NTM: variants seen among roughly 807,000 people sequenced by gnomAD.
The protein encoded by NTM is IgLON family member 2.
In NTM, 13 loss-of-function variants were observed where a neutral mutation model predicts 42.1. The ratio of observed to expected loss-of-function variants is 0.31; its 90% CI spans 0.20 to 0.49. The LOEUF is 0.49. NTM is among the 20% of genes least tolerant of loss of function. The pLI, the probability that NTM is intolerant of heterozygous loss-of-function variation, is 0.99. For missense variants in NTM, 373 were observed against 452.8 expected (o/e 0.82, Z 1.60); for synonymous variants, 187 against 179.2 (o/e 1.04, Z -0.35).
intron 3 of NTM, among the ~76,000 whole-genome samples, chr11:132,190,518 G>C (rs879689146): frequency 3.9e-5 from 6 of 151,910 alleles, no homozygotes; most frequent in Non-Finnish European, 7.4e-5. Context: ...CAGGTGGATT[G>C]TGAGGTCAGG....
intron 1 of NTM, chr11:131,794,424 T>G (rs1461954100): frequency 1.1e-6 from 1 of 945,200 alleles, no homozygotes; most frequent in African/African-American, 1.8e-5. Flanking sequence ...CTCCGTAGTT[T>G]CTGTGTAAGC....
chr11:131,583,842 T>A (rs535441882), intron 1 of NTM, among the ~76,000 whole-genome samples: 1 of 152,216 alleles, frequency 6.6e-6, no homozygotes, highest in African/African-American at 2.4e-5. Flanking sequence ...TGGATTTGTA[T>A]GAAACCCATA....
At chr11:132,285,817 C>A (rs1329232676) in intron 4 of NTM, among the ~76,000 whole-genome samples, 1 of 152,162 alleles carries the variant, frequency 6.6e-6, no homozygotes, top group African/African-American at 2.4e-5. Flanking sequence ...CCTCTCCTAG[C>A]CTTGACAGAT....
intron 2 of NTM, among the ~76,000 whole-genome samples, chr11:131,994,637 A>G (rs1658464558): frequency 6.6e-6 from 1 of 152,276 alleles, no homozygotes; most frequent in Non-Finnish European, 1.5e-5. Flanking sequence ...TTTCATCATA[A>G]GCACACTAGC....
intron 1 of NTM, among the ~76,000 whole-genome samples, chr11:131,853,656 G>A (rs2045814330): frequency 1.3e-5 from 2 of 152,146 alleles, no homozygotes; most frequent in African/African-American, 4.8e-5. Flanking sequence ...ATGGATATTA[G>A]GTTGGTTCCA....
intron 1 of NTM, among the ~76,000 whole-genome samples, chr11:131,903,522 C>T (rs1429250001): frequency 6.6e-6 from 1 of 152,198 alleles, no homozygotes; most frequent in Non-Finnish European, 1.5e-5. Context: ...TGCCTCAGAT[C>T]CAGGGCAGCT....
chr11:132,300,790 C>T (rs2002734), intron 4 of NTM, among the ~76,000 whole-genome samples: 27,645 of 152,136 alleles, frequency 0.18, 2,975 homozygotes, highest in Middle Eastern at 0.27. Context: ...TCAGAACTGG[C>T]TCTGGTATTT....
intron 4 of NTM, among the ~76,000 whole-genome samples, chr11:132,264,679 T>C (rs894877020): frequency 3.3e-5 from 5 of 151,898 alleles, no homozygotes; most frequent in African/African-American, 1.2e-4. Context: ...ATAAGAAGAG[T>C]TCCTCCCAGG....
intron 1 of NTM, among the ~76,000 whole-genome samples, chr11:131,487,906 AG>A (rs1289675456): frequency 1.3e-5 from 2 of 152,200 alleles, no homozygotes; most frequent in Non-Finnish European, 2.9e-5. Flanking sequence ...GCATTTGCCA[AG>A]TTCAACTAGA....
intron 4 of NTM, among the ~76,000 whole-genome samples, chr11:132,231,357 A>G (rs1455811385): frequency 6.6e-6 from 1 of 152,230 alleles, no homozygotes; most frequent in African/African-American, 2.4e-5. Context: ...AATGTCTTCT[A>G]AGTTTCCAGT....
At chr11:131,558,218 G>T (rs2055718408) in intron 1 of NTM, among the ~76,000 whole-genome samples, 1 of 152,122 alleles carries the variant, frequency 6.6e-6, no homozygotes, top group African/African-American at 2.4e-5. Flanking sequence ...TTCCTTGGGA[G>T]CAGCACAGAG....
chr11:132,318,993 A>G (rs2095498831), intron 7 of NTM, among the ~76,000 whole-genome samples: 1 of 152,256 alleles, frequency 6.6e-6, no homozygotes, highest in Non-Finnish European at 1.5e-5. Context: ...GCCACAAGCA[A>G]GAAAATGAAA....
chr11:132,085,382 G>A (rs1385841574), intron 2 of NTM, among the ~76,000 whole-genome samples: 1 of 152,204 alleles, frequency 6.6e-6, no homozygotes, highest in Non-Finnish European at 1.5e-5. Context: ...GAAGGGTGTG[G>A]TTAATTCCAT....
intron 7 of NTM, among the ~76,000 whole-genome samples, chr11:132,320,770 G>A (rs2095545874): frequency 6.6e-6 from 1 of 151,754 alleles, no homozygotes; most frequent in South Asian, 2.1e-4. Flanking sequence ...AGACTTAAAT[G>A]TCCCTGTCTG....
intron 1 of NTM, among the ~76,000 whole-genome samples, chr11:131,789,439 GAA>G (rs2089898638): frequency 1.1e-4 from 1 of 9,160 alleles, no homozygotes; most frequent in Non-Finnish European, 2.1e-4. Context: ...GGAAGAAGAA[GAA>G]GAAGAAGAAG....
chr11:131,906,738 A>C (rs1454723254), intron 1 of NTM, among the ~76,000 whole-genome samples: 1 of 152,110 alleles, frequency 6.6e-6, no homozygotes, highest in African/African-American at 2.4e-5. Flanking sequence ...TTATGGGTTT[A>C]AAGTCCATAG....
chr11:131,413,062 G>A (rs1028087567), intron 1 of NTM, among the ~76,000 whole-genome samples: 2 of 152,068 alleles, frequency 1.3e-5, no homozygotes, highest in Non-Finnish European at 2.9e-5. Flanking sequence ...GGTTTTGTGA[G>A]GTTCACACAA....
chr11:132,303,765 A>G (rs975468067), intron 4 of NTM, among the ~76,000 whole-genome samples: 2 of 150,698 alleles, frequency 1.3e-5, no homozygotes, highest in African/African-American at 4.9e-5. Context: ...ATGTTGGTCC[A>G]GGATGAGAAC....
intron 2 of NTM, among the ~76,000 whole-genome samples, chr11:131,992,438 C>G (rs560264896): frequency 6.6e-6 from 1 of 151,580 alleles, no homozygotes; most frequent in Non-Finnish European, 1.5e-5. Flanking sequence ...GTCCACACTC[C>G]TCACCCCCAC....
Sources: allele counts gnomAD v4.1 joint callset (sites outside exome capture counted in the v4.1 genomes callset), GRCh38; gene constraint gnomAD v4.1.1; transcripts MANE v1.5; gene names NCBI Gene and HGNC (gene_info 2026-07-23, HGNC 2026-07-21).